OR51G2: variants seen among roughly 807,000 people sequenced by gnomAD.
OR51G2 encodes the protein olfactory receptor family 51 subfamily G member 2.
A neutral mutation model predicts 11.8 loss-of-function variants in OR51G2; 13 were observed. The ratio of observed to expected loss-of-function variants is 1.10; its 90% CI spans 0.72 to 1.76. OR51G2 has a LOEUF of 1.76. Among genes scored for constraint, OR51G2 ranks in the 40% most tolerant of loss-of-function variants. The pLI is 0.00. For missense variants in OR51G2, 474 were observed against 394.4 expected, an observed-to-expected ratio of 1.20 and a Z score of -1.71; for synonymous variants, 178 against 151.9, an observed-to-expected ratio of 1.17 and a Z score of -1.26.
intron 1 of OR51G2, among the ~76,000 whole-genome samples, chr11:4,917,183 C>A (rs2595976): frequency 0.86 from 131,223 of 152,200 alleles, 56,732 homozygotes; most frequent in East Asian, 0.93. Flanking sequence ...TTTTTTATTT[C>A]GCTAACTAAT....
At chr11:4,915,805 G>A in intron 1 of OR51G2, 66 bp from the exon 2 acceptor site, 1 of 563,910 alleles carries the variant, frequency 1.8e-6, no homozygotes. Context: ...CTTTCTAGTG[G>A]TTATGTCTTT....
Position 4,915,016 on chromosome 11 carries a change from T to G in OR51G2, c.648A>C (p.Ser216=). ...GAGCATAAGAGAAGAGGATGAGCAG[T>G]GAGTCTATACCCACTGTAGAGACGA... The part of the protein sequence containing the change: ...FVIVSTVGID[S]LLILFSYALI... Residue 216 remains serine (S), a synonymous_variant, in exon 2 of 2, where the codon TCA becomes TCC. Coordinates refer to ENST00000641926, the MANE Select transcript of OR51G2 (RefSeq NM_001005238.2). 1.2e-6 allele frequency: 2 copies of G among 1,613,930 alleles called. No individual in the cohort carries two copies. The highest frequency in any genetic ancestry group is 2.2e-5 in the East Asian group (1 of 44,818).
chr11:4,918,150 G>A (rs1197591246), intron 1 of OR51G2, among the ~76,000 whole-genome samples: 1 of 151,996 alleles, frequency 6.6e-6, no homozygotes, highest in Admixed American at 6.5e-5. Context: ...GAGGCTTAGA[G>A]AATTTTATAA....
Position 4,914,952 on chromosome 11 carries a change from C to T in OR51G2, c.712G>A (p.Glu238Lys). Residue 238 changes from glutamate (E) to lysine (K), a missense_variant, in exon 2 of 2, where the codon GAG becomes AAG. Glu to Lys is a moderately conservative substitution (Grantham distance 56, BLOSUM62 1). Coordinates refer to ENST00000641926, the MANE Select transcript of OR51G2 (RefSeq NM_001005238.2). ...RTVLSIASRAERFKALNTCVS... is the reference protein window; with the variant it reads ...RTVLSIASRAKRFKALNTCVS... ...CAGGTGTTAAGGGCCTTGAATCTCTCAGCCCTGGAGGCGATGGACAGCACG... is the reference window on the plus strand; with the variant it reads ...CAGGTGTTAAGGGCCTTGAATCTCTTAGCCCTGGAGGCGATGGACAGCACG... 6.2e-7 allele frequency: 1 copy of T among 1,614,120 alleles called. No homozygotes were observed. The highest frequency in any genetic ancestry group is 8.5e-7 in the Non-Finnish European group (1 of 1,180,020).
intron 1 of OR51G2, among the ~76,000 whole-genome samples, chr11:4,916,285 C>T (rs146515689): frequency 4.7e-4 from 72 of 152,210 alleles, no homozygotes; most frequent in Middle Eastern, 3.4e-3. Flanking sequence ...TAGCAGCATA[C>T]TCCTTGTGTT....
chr11:4,915,553 G>A lies in OR51G2; in HGVS notation c.111C>T (p.Cys37=). Residue 37 remains cysteine (C), a synonymous_variant, in exon 2 of 2, where the codon TGC becomes TGT. Transcript: ENST00000641926. ...RMHIWISIPL[C]FMYLVSIPGN... ...CCGGGATGGAAACCAGATACATGAA[G>A]CACAGTGGGATGGAGATCCAGATGT... 6.2e-7 allele frequency: 1 copy of A among 1,614,076 alleles called. No individual in the cohort carries two copies. Among genetic ancestry groups the A allele is most frequent in the Non-Finnish European group, 8.5e-7 (1 of 1,179,992 alleles).
chr11:4,914,489 A>T lies in OR51G2; in HGVS notation c.*230T>A, dbSNP rs1269280863. The T allele has an allele frequency of 4.1e-6, 2 of 493,708 alleles. No homozygotes were observed. The highest frequency in any genetic ancestry group is 7.2e-6 in the Non-Finnish European group (2 of 277,250). The allele number at this position is 493,708 out of a possible 1,614,324, so 30.6% of individuals were successfully genotyped here. On this transcript the variant is annotated 3_prime_UTR_variant, in exon 2 of 2. Coordinates refer to ENST00000641926, the MANE Select transcript of OR51G2 (RefSeq NM_001005238.2). ...TCCTGGAAGAGCATGTGGGTTTAGA[A>T]TTATTGCTGTGGCTATTTTTAGAAA... is the stretch of plus-strand genomic sequence containing the variant.
intron 1 of OR51G2, among the ~76,000 whole-genome samples, chr11:4,918,974 T>C (rs1371270616): frequency 6.6e-6 from 1 of 152,250 alleles, no homozygotes; most frequent in Non-Finnish European, 1.5e-5. Flanking sequence ...GTTTCATGCC[T>C]GCATGACAAT....
rs11318208 is a variant in OR51G2, at chr11:4,914,544, AC to A, written c.*174del. The A allele has an allele frequency of 0.28, 151,919 of 538,402 alleles. 22,665 individuals are homozygous for A. The highest frequency in any genetic ancestry group is 0.31 in the Non-Finnish European group (93,663 of 303,970). The allele number at this position is 538,402 out of a possible 1,614,324, so 33.4% of individuals were successfully genotyped here. ...AATTTACCACATCATATTACATTTT[AC>A]CCCCCCCTGCCCTGGCCACAACAGA... On this transcript the variant is annotated 3_prime_UTR_variant, in exon 2 of 2. Coordinates refer to ENST00000641926, the MANE Select transcript of OR51G2 (RefSeq NM_001005238.2).
rs1362502893 is a variant in OR51G2, at chr11:4,912,965, T to G, written c.*1754A>C. ...ATTGGAAAAGAAAAAAAAAACAAGCTGTAACTATTCAAATTACTATAACTC... is the reference window on the plus strand; with the variant it reads ...ATTGGAAAAGAAAAAAAAAACAAGCGGTAACTATTCAAATTACTATAACTC... On this transcript the variant is annotated 3_prime_UTR_variant, in exon 2 of 2. Coordinates refer to ENST00000641926, the MANE Select transcript of OR51G2 (RefSeq NM_001005238.2). 6.6e-6 allele frequency: 1 copy of G among 151,990 alleles called. No individual in the cohort carries two copies. Among genetic ancestry groups the G allele is most frequent in the East Asian group, 1.9e-4 (1 of 5,192 alleles). 9.4% of individuals were successfully genotyped at this position (151,990 alleles called of 1,614,324 possible). A position where few individuals can be genotyped will look rare whatever the true frequency, so the allele number is the denominator to read the frequency against.
intron 1 of OR51G2, among the ~76,000 whole-genome samples, chr11:4,916,313 C>T (rs1040232608): frequency 2.0e-5 from 3 of 152,060 alleles, no homozygotes; most frequent in African/African-American, 4.8e-5. Context: ...TTGCTCTCTG[C>T]TCCTTCAGAC....
Position 4,914,677 on chromosome 11 carries a change from A to G in OR51G2, c.*42T>C, listed in dbSNP as rs781161620. On this transcript the variant is annotated 3_prime_UTR_variant, in exon 2 of 2. Coordinates refer to ENST00000641926, the MANE Select transcript of OR51G2 (RefSeq NM_001005238.2). ...AGAAATTATAAAGGATAGGCAAACA[A>G]GGGCACGTTTCAGGAGACAGTGGCT... 2.2e-6 allele frequency: 3 copies of G among 1,383,296 alleles called. No homozygotes were observed. The highest frequency in any genetic ancestry group is 3.0e-6 in the Non-Finnish European group (3 of 990,370). The allele number at this position is 1,383,296 out of a possible 1,614,324, so 85.7% of individuals were successfully genotyped here.
chr11:4,915,070 C>T lies in OR51G2; in HGVS notation c.594G>A (p.Lys198=). The T allele has an allele frequency of 6.2e-7, 1 of 1,613,974 alleles. No homozygotes were observed. Among genetic ancestry groups the T allele is most frequent in the South Asian group, 1.1e-5 (1 of 91,068 alleles). ...EVMKLACADM[K]ANSIYGMFVI... is the part of the protein sequence containing the mutation. ...CAAACATGCCGTAGATGCTGTTGGC[C>T]TTCATGTCGGCACAGGCCAATTTCA... Residue 198 remains lysine, a synonymous_variant, in exon 2 of 2, where the codon AAG becomes AAA. Transcript: ENST00000641926.
rs775215848 is a variant in OR51G2 at position 4,915,388 on chromosome 11, A to C, written c.276T>G (p.Val92=). 1 of 1,614,088 alleles carries C rather than the reference A, an allele frequency of 6.2e-7. No individual in the cohort carries two copies. Among genetic ancestry groups the C allele is most frequent in the South Asian group, 1.1e-5 (1 of 91,074 alleles). ...CATCATGGCTAATTTCTCGTGCTCCAACCCAAAAGATGCCCAGGACTGTAG... is the reference window on the plus strand; with the variant it reads ...CATCATGGCTAATTTCTCGTGCTCCCACCCAAAAGATGCCCAGGACTGTAG... ...TLPTVLGIFW[V]GAREISHDAC... The change falls in exon 2 of 2, where the codon GTT becomes GTG. Residue 92 remains valine, a synonymous_variant. Coordinates refer to ENST00000641926, the MANE Select transcript of OR51G2 (RefSeq NM_001005238.2).
At position 4,915,128 on chromosome 11, in the gene OR51G2, A is replaced by C. The variant is rs139651432; in HGVS notation, c.536T>G (p.Leu179Arg). Residue 179 changes from leucine to arginine, a missense_variant, in exon 2 of 2, where the codon CTC (leucine) becomes CGC (arginine). Leu to Arg is a moderately radical substitution (Grantham distance 102). Coordinates refer to ENST00000641926, the MANE Select transcript of OR51G2 (RefSeq NM_001005238.2). The part of the protein sequence containing the change: ...KRFPYCGSPV[L>R]SHSYCLHQEV... The stretch of plus-strand genomic sequence containing the variant: ...TTGGTGGAGACAATAAGAATGTGAG[A>C]GAACTGGGGAGCCACAATAGGGGAA... The C allele has an allele frequency of 6.2e-7, 1 of 1,614,176 alleles. No homozygotes were observed. Among genetic ancestry groups the C allele is most frequent in the Non-Finnish European group, 8.5e-7 (1 of 1,180,030 alleles).
rs1182152992 is a variant in OR51G2, at chr11:4,914,821, C to T, written c.843G>A (p.Met281Ile). ...GAGGAAAGAGAAGATACATGAAACC[C>T]ATGACCACCTGGACCAGGTGGGGTG... ...KQAPHLVQVVMGFMYLLFPPV... is the reference protein window; with the variant it reads ...KQAPHLVQVVIGFMYLLFPPV... Residue 281 changes from methionine to isoleucine, a missense_variant, in exon 2 of 2, where the codon ATG becomes ATA. By Grantham distance (10) the Met-to-Ile change is conservative (BLOSUM62 1). Transcript: ENST00000641926. 1 of 1,613,976 alleles carries T rather than the reference C, an allele frequency of 6.2e-7. No homozygotes were observed.
Position 4,915,547 on chromosome 11 carries a change from C to A in OR51G2, c.117G>T (p.Met39Ile). Residue 39 changes from methionine to isoleucine, a missense_variant, in exon 2 of 2, where the codon ATG becomes ATT. Coordinates refer to ENST00000641926, the MANE Select transcript of OR51G2 (RefSeq NM_001005238.2). ...AGTTGCCCGGGATGGAAACCAGATACATGAAGCACAGTGGGATGGAGATCC... is the reference window on the plus strand; with the variant it reads ...AGTTGCCCGGGATGGAAACCAGATAAATGAAGCACAGTGGGATGGAGATCC... Reference protein sequence around the residue: ...HIWISIPLCFMYLVSIPGNCT... With the variant: ...HIWISIPLCFIYLVSIPGNCT... 1 of 1,614,080 alleles carries A rather than the reference C, an allele frequency of 6.2e-7. No individual in the cohort carries two copies. The highest frequency in any genetic ancestry group is 8.5e-7 in the Non-Finnish European group (1 of 1,180,002).
chr11:4,915,527 C>T lies in OR51G2; in HGVS notation c.137G>A (p.Gly46Asp). The change falls in exon 2 of 2, where the codon GGC (glycine) becomes GAC (aspartate). Residue 46 changes from glycine to aspartate, a missense_variant. Coordinates refer to ENST00000641926, the MANE Select transcript of OR51G2 (RefSeq NM_001005238.2). ...AATGATAAAAAGAATTGTGCAGTTG[C>T]CCGGGATGGAAACCAGATACATGAA... ...LCFMYLVSIP[G>D]NCTILFIIKT... 6.2e-7 allele frequency: 1 copy of T among 1,614,022 alleles called. No homozygotes were observed. The highest frequency in any genetic ancestry group is 8.5e-7 in the Non-Finnish European group (1 of 1,179,998).
rs761017743 is a variant in OR51G2 at position 4,914,964 on chromosome 11, C to A, written c.700G>T (p.Ala234Ser). 23 of 1,613,946 alleles carry A rather than the reference C, an allele frequency of 1.4e-5. No homozygotes were observed. The highest frequency in any genetic ancestry group is 1.9e-5 in the Non-Finnish European group (23 of 1,180,022). Residue 234 changes from alanine (A) to serine (S), a missense_variant, in exon 2 of 2, where the codon GCC (alanine) becomes TCC (serine). Transcript: ENST00000641926. Reference protein sequence around the residue: ...ALILRTVLSIASRAERFKALN... With the variant: ...ALILRTVLSISSRAERFKALN... Reference sequence around the variant, plus strand: ...GCCTTGAATCTCTCAGCCCTGGAGGCGATGGACAGCACGGTGCGCAGGATC... The same window carrying A: ...GCCTTGAATCTCTCAGCCCTGGAGGAGATGGACAGCACGGTGCGCAGGATC...
Sources: allele counts gnomAD v4.1 joint callset (sites outside exome capture counted in the v4.1 genomes callset), GRCh38; gene constraint gnomAD v4.1.1; transcripts MANE v1.5; gene names NCBI Gene and HGNC (gene_info 2026-07-23, HGNC 2026-07-21).